UNC13C: variants seen among roughly 807,000 people sequenced by gnomAD.
UNC13C encodes unc-13 homolog C.
In UNC13C, 174 loss-of-function variants were observed where a neutral mutation model predicts 245.4. The observed-to-expected ratio is 0.71, with a 90% confidence interval of 0.63 to 0.80. The LOEUF (loss-of-function observed/expected upper bound fraction) is 0.80, where lower values mean the gene tolerates loss of function less well. Among genes scored for constraint, UNC13C ranks in the 30% least tolerant of loss-of-function variants. The pLI, the probability that UNC13C is intolerant of heterozygous loss-of-function variation, is 0.00. For synonymous variants in UNC13C, 992 were observed against 895.1 expected (o/e 1.11, Z -1.93); for missense variants, 2,829 against 2,602.9 (o/e 1.09, Z -1.89).
intron 18 of UNC13C, among the ~76,000 whole-genome samples, chr15:54,409,309 A>G (rs1205772123): frequency 4.0e-5 from 6 of 151,224 alleles, no homozygotes; most frequent in South Asian, 4.2e-4. Flanking sequence ...TTTGTCTTTT[A>G]TATAAGCTGT....
intron 15 of UNC13C, among the ~76,000 whole-genome samples, 194 bp downstream of exon 15, chr15:54,332,305 C>CTGTGTGTGTG (rs34179914): frequency 0.013 from 1,934 of 145,640 alleles, 19 homozygotes; most frequent in South Asian, 0.024. Context: ...CAACAATACT[C>CTGTGTGTGTG]TGTGTGTGTG....
chr15:54,114,584 C>T (rs2030089156), intron 2 of UNC13C, among the ~76,000 whole-genome samples: 2 of 152,106 alleles, frequency 1.3e-5, no homozygotes. Flanking sequence ...AAAACTTATC[C>T]ATTCCCTATC....
intron 27 of UNC13C, 25 bp from the exon 28 acceptor site, chr15:54,549,610 T>A: frequency 6.4e-7 from 1 of 1,566,450 alleles, no homozygotes. Flanking sequence ...GACTGAGTCT[T>A]CTCTCACTTT....
chr15:53,973,226 G>A (rs563234117), upstream of UNC13C, among the ~76,000 whole-genome samples: 79 of 151,962 alleles, frequency 5.2e-4, no homozygotes, highest in Non-Finnish European at 9.0e-4. Flanking sequence ...CTCTGGAAAC[G>A]TCGCCATTAT....
chr15:54,138,130 A>G (rs1357875853), intron 2 of UNC13C, among the ~76,000 whole-genome samples: 1 of 151,994 alleles, frequency 6.6e-6, no homozygotes, highest in African/African-American at 2.4e-5. Flanking sequence ...TCTTCCTGTT[A>G]TTGATTTCTA....
chr15:53,854,312 G>A, the UNC13C span, among the ~76,000 whole-genome samples: 1 of 151,792 alleles, frequency 6.6e-6, no homozygotes, highest in Non-Finnish European at 1.5e-5. Flanking sequence ...GTAGAGACAG[G>A]GTTTCACCAT....
At chr15:54,344,309 C>T (rs1019776663) in intron 17 of UNC13C, among the ~76,000 whole-genome samples, 5 of 152,078 alleles carry the variant, frequency 3.3e-5, no homozygotes, top group African/African-American at 7.2e-5. Flanking sequence ...AAGAGAGCTT[C>T]GTAGGTAGTT....
chr15:54,600,464 C>T (rs189495260), intron 30 of UNC13C, among the ~76,000 whole-genome samples: 1 of 152,070 alleles, frequency 6.6e-6, no homozygotes, highest in Admixed American at 6.6e-5. Flanking sequence ...AGCAGAAGGT[C>T]CAATTTGAGA....
In UNC13C at chr15:54,023,851, A is replaced by G. The variant is rs142920327; in HGVS notation, c.2983+7965A>G. On this transcript the variant is annotated intron_variant, in intron 2 of 32. Transcript: ENST00000260323. ...CAAAGTGTACAATGCAAAATACTGTATCTCAGAGATTCAAGAAATGATGTT... is the reference window on the plus strand; with the variant it reads ...CAAAGTGTACAATGCAAAATACTGTGTCTCAGAGATTCAAGAAATGATGTT... Among the ~76,000 whole-genome samples the G allele has an allele frequency of 8.5e-4, 129 of 152,346 alleles. 1 individual carries two copies. The East Asian group carries it at 0.023, about 28-fold the overall frequency.
chr15:54,004,466 G>A (rs942511015), intron 1 of UNC13C, among the ~76,000 whole-genome samples: 1 of 152,166 alleles, frequency 6.6e-6, no homozygotes, highest in African/African-American at 2.4e-5. Context: ...TACTTCAACA[G>A]GCATGGGATT....
At chr15:54,185,231 T>C (rs1402987195) in intron 4 of UNC13C, among the ~76,000 whole-genome samples, 1 of 152,078 alleles carries the variant, frequency 6.6e-6, no homozygotes, top group Non-Finnish European at 1.5e-5. Flanking sequence ...GCCTGTTCAC[T>C]CTGATGGTGG....
chr15:53,886,229 A>C, the UNC13C span, among the ~76,000 whole-genome samples: 1 of 152,210 alleles, frequency 6.6e-6, no homozygotes, highest in Admixed American at 6.5e-5. Context: ...TCCAACAAAA[A>C]GAAATAGAGC....
At chr15:54,473,017 C>G (rs962802212) in intron 19 of UNC13C, among the ~76,000 whole-genome samples, 3 of 151,636 alleles carry the variant, frequency 2.0e-5, no homozygotes, top group East Asian at 1.9e-4. Flanking sequence ...CTCTCTCCCC[C>G]ACCCCCACAT....
intron 2 of UNC13C, among the ~76,000 whole-genome samples, chr15:54,140,488 G>A (rs1240443754): frequency 6.6e-6 from 1 of 152,204 alleles, no homozygotes; most frequent in Admixed American, 6.5e-5. Context: ...GGCAAAGGAT[G>A]AAGATTAGCA....
upstream of UNC13C, among the ~76,000 whole-genome samples, chr15:53,975,502 T>C (rs531090736): frequency 6.6e-6 from 1 of 152,326 alleles, no homozygotes; most frequent in South Asian, 2.1e-4. Context: ...AAAATAAAGA[T>C]CGAGGTTTTC....
intron 19 of UNC13C, among the ~76,000 whole-genome samples, chr15:54,444,479 C>A (rs1387509326): frequency 6.6e-6 from 1 of 151,760 alleles, no homozygotes; most frequent in African/African-American, 2.4e-5. Flanking sequence ...TTTATCCATT[C>A]ATCCAGTCTA....
chr15:54,465,054 A>G (rs997273706), intron 19 of UNC13C, among the ~76,000 whole-genome samples: 2 of 152,060 alleles, frequency 1.3e-5, no homozygotes, highest in Non-Finnish European at 2.9e-5. Flanking sequence ...AGCATTCAGT[A>G]TCATATAATT....
intron 30 of UNC13C, among the ~76,000 whole-genome samples, chr15:54,616,419 A>T (rs1900434637): frequency 6.6e-6 from 1 of 152,062 alleles, no homozygotes; most frequent in African/African-American, 2.4e-5. Context: ...GGTGTAAATA[A>T]GCCTGCTGTA....
intron 10 of UNC13C, among the ~76,000 whole-genome samples, chr15:54,288,493 T>C (rs2037207735): frequency 6.7e-6 from 1 of 149,846 alleles, no homozygotes; most frequent in Admixed American, 6.7e-5. Flanking sequence ...CTACTTGGAG[T>C]CTTTTTTTTT....
Sources: gnomAD v4.1 joint callset for allele counts (sites outside exome capture counted in the v4.1 genomes callset) on GRCh38, gnomAD v4.1.1 for gene constraint, MANE v1.5 for transcripts, NCBI Gene and HGNC (gene_info 2026-07-23, HGNC 2026-07-21) for gene names.